HTT: variants seen among roughly 807,000 people sequenced by gnomAD.
HTT encodes huntingtin, also known as huntington disease protein.
A neutral mutation model predicts 362.3 loss-of-function variants in HTT; 104 were observed. The observed-to-expected ratio is 0.29, with a 90% CI of 0.24 to 0.34. The LOEUF (loss-of-function observed/expected upper bound fraction) is 0.34, where lower values mean the gene tolerates loss of function less well. Among genes scored for constraint, HTT ranks in the 10% least tolerant of loss-of-function variants. The probability of loss-of-function intolerance (pLI) is 1.00; values close to 1 mark genes in which losing one functional copy is unlikely to be tolerated. For missense variants in HTT, 3,301 were observed against 3,928.6 expected, an observed-to-expected ratio of 0.84 and a Z score of 4.27; for synonymous variants, 1,577 against 1,548.7, an observed-to-expected ratio of 1.02 and a Z score of -0.43.
At chr4:3,185,554 A>G (rs1718720912) in intron 37 of HTT, among the ~76,000 whole-genome samples, 1 of 152,202 alleles carries the variant, frequency 6.6e-6, no homozygotes, top group Admixed American at 6.5e-5. Flanking sequence ...CACCATCAAT[A>G]AGTAATGGTT....
chr4:3,131,989 A>G (rs1450497691), intron 16 of HTT, among the ~76,000 whole-genome samples: 1 of 152,210 alleles, frequency 6.6e-6, no homozygotes, highest in Non-Finnish European at 1.5e-5. Context: ...AAAAGTAGAA[A>G]CCTCAGCACG....
At chr4:3,094,072 C>T (rs1713680039) in intron 2 of HTT, among the ~76,000 whole-genome samples, 1 of 151,924 alleles carries the variant, frequency 6.6e-6, no homozygotes, top group South Asian at 2.1e-4. Context: ...CCACGTTCTG[C>T]AGTGTTTGTG....
intron 2 of HTT, among the ~76,000 whole-genome samples, chr4:3,095,158 T>C (rs928759624): frequency 2.0e-5 from 3 of 152,188 alleles, no homozygotes; most frequent in Non-Finnish European, 2.9e-5. Context: ...CTTGGCACTT[T>C]GGGAGGCCAA....
chr4:3,224,430 GAACTC>G (rs1457282637), intron 56 of HTT, among the ~76,000 whole-genome samples: 8 of 152,126 alleles, frequency 5.3e-5, no homozygotes, highest in Non-Finnish European at 1.0e-4. Context: ...CTTATGTTAA[GAACTC>G]AACCAAGTTC....
intron 3 of HTT, among the ~76,000 whole-genome samples, chr4:3,100,094 T>A (rs1301693630): frequency 6.6e-6 from 1 of 152,238 alleles, no homozygotes; most frequent in African/African-American, 2.4e-5. Context: ...AGCCACTGGA[T>A]GCTCCTGGGA....
intron 41 of HTT, among the ~76,000 whole-genome samples, chr4:3,200,313 G>C (rs547333660): frequency 3.9e-5 from 6 of 152,270 alleles, no homozygotes; most frequent in African/African-American, 1.4e-4. Context: ...AGTAAATGTG[G>C]TTCTGGTTAT....
chr4:3,122,528 G>T (rs537613664), intron 9 of HTT, among the ~76,000 whole-genome samples: 2 of 152,174 alleles, frequency 1.3e-5, no homozygotes, highest in African/African-American at 2.4e-5. Flanking sequence ...ATTTTTTTCT[G>T]TATGGAATGC....
intron 2 of HTT, among the ~76,000 whole-genome samples, chr4:3,092,224 G>C (rs994628152): frequency 1.3e-5 from 2 of 152,038 alleles, no homozygotes; most frequent in Non-Finnish European, 2.9e-5. Flanking sequence ...GGGTTTCACT[G>C]TGTTGGCCAG....
At chr4:3,088,597 G>A (rs1181015592) in intron 2 of HTT, among the ~76,000 whole-genome samples, 2 of 152,146 alleles carry the variant, frequency 1.3e-5, no homozygotes, top group Non-Finnish European at 2.9e-5. Context: ...TACTTCATAA[G>A]TTTTTCTTCT....
chr4:3,209,022 G>A, intron 46 of HTT, 111 bp downstream of exon 46: 2 of 1,167,114 alleles, frequency 1.7e-6, no homozygotes, highest in Non-Finnish European at 2.3e-6. Context: ...GAGTTCTGGC[G>A]CTCGGCTCGG....
rs1720066252 is a variant in HTT at position 3,209,887 on chromosome 4, G to A, written c.6352G>A (p.Glu2118Lys). Reference protein sequence around the residue: ...CWTRSDSALLEGAELVNRIPA... With the variant: ...CWTRSDSALLKGAELVNRIPA... ...GACCAGGTCAGATTCTGCACTGCTGGAAGGTGCAGAGCTGGTGAATCGGAT... is the reference window on the plus strand; with the variant it reads ...GACCAGGTCAGATTCTGCACTGCTGAAAGGTGCAGAGCTGGTGAATCGGAT... Residue 2118 changes from glutamate to lysine, a missense_variant, in exon 47 of 67, where the codon GAA becomes AAA. By Grantham distance (56) the Glu-to-Lys change is moderately conservative (BLOSUM62 1). Coordinates refer to ENST00000355072, the MANE Select transcript of HTT (RefSeq NM_001388492.1). 3 of 1,614,006 alleles carry A rather than the reference G, an allele frequency of 1.9e-6. No individual in the cohort carries two copies. Among genetic ancestry groups the A allele is most frequent in the Admixed American group, 1.7e-5 (1 of 60,028 alleles).
chr4:3,099,431 T>A, intron 3 of HTT, 37 bp downstream of exon 3: 1 of 1,611,312 alleles, frequency 6.2e-7, no homozygotes, highest in East Asian at 2.2e-5. Context: ...CTCAGAGCTA[T>A]CATTGTTGTA....
chr4:3,187,511 C>G lies in HTT; in HGVS notation c.4990-140C>G, dbSNP rs966615307. On this transcript the variant is annotated intron_variant, in intron 38 of 66. Coordinates refer to ENST00000355072, the MANE Select transcript of HTT (RefSeq NM_001388492.1). ...ACTAATGCCTGCTTTTCTGGGAGCA[C>G]ACTTTGGGACTCAGTGATAGAGAGG... 7.8e-5 allele frequency: 51 copies of G among 651,444 alleles called. No individual in the cohort carries two copies. The African/African-American group carries it at 8.9e-4, about 11-fold the overall frequency. The allele number at this position is 651,444 out of a possible 1,614,324, so 40.4% of individuals were successfully genotyped here.
chr4:3,174,552 T>A (rs532648917), intron 31 of HTT, among the ~76,000 whole-genome samples, 169 bp from the exon 32 acceptor site: 1 of 152,268 alleles, frequency 6.6e-6, no homozygotes, highest in African/African-American at 2.4e-5. Context: ...TGTCATTATC[T>A]GAAGAGGGCG....
chr4:3,191,865 G>A (rs1413329845), intron 40 of HTT, among the ~76,000 whole-genome samples: 2 of 152,190 alleles, frequency 1.3e-5, no homozygotes, highest in Non-Finnish European at 2.9e-5. Context: ...AAATTATGAT[G>A]TGGTGATTGT....
chr4:3,175,340 G>A (rs900031013), intron 33 of HTT, among the ~76,000 whole-genome samples: 1 of 152,170 alleles, frequency 6.6e-6, no homozygotes, highest in Non-Finnish European at 1.5e-5. Context: ...CCTGGGGTTG[G>A]CTGTTAGGGA....
At chr4:3,108,791 A>G (rs1714570028) in intron 6 of HTT, among the ~76,000 whole-genome samples, 1 of 152,098 alleles carries the variant, frequency 6.6e-6, no homozygotes, top group Non-Finnish European at 1.5e-5. Context: ...TGTGCCTATA[A>G]TTGTAGCTAC....
At chr4:3,239,027 C>T (rs370054002) in intron 66 of HTT, 49 bp downstream of exon 66, 74 of 1,536,172 alleles carry the variant, frequency 4.8e-5, no homozygotes, top group Non-Finnish European at 6.1e-5. Context: ...TTGTCAACAC[C>T]GAGGCTCATG....
intron 2 of HTT, among the ~76,000 whole-genome samples, chr4:3,098,223 G>A (rs930373159): frequency 2.0e-5 from 3 of 152,166 alleles, no homozygotes; most frequent in African/African-American, 7.2e-5. Context: ...CATAGATAAG[G>A]TCTGAAATAC....
Sources: allele counts gnomAD v4.1 joint callset (sites outside exome capture counted in the v4.1 genomes callset), GRCh38; gene constraint gnomAD v4.1.1; transcripts MANE v1.5; gene names NCBI Gene and HGNC (gene_info 2026-07-23, HGNC 2026-07-21).